The following ATP11C variants were observed in gnomAD, a reference collection of about 807,000 sequenced individuals.
ATP11C encodes the protein ATPase phospholipid transporting 11C (ATP11C blood group).
ATP11C carries 36 observed loss-of-function variants against 97.4 expected under a neutral mutation model. That is an observed-to-expected ratio of 0.37 (90% CI 0.28 to 0.49). The LOEUF is 0.49. Ranked by LOEUF, ATP11C falls within the 20% of genes least tolerant of loss-of-function variation. ATP11C has a pLI of 0.98. For missense variants in ATP11C, 730 were observed against 824.6 expected, an observed-to-expected ratio of 0.89 and a Z score of 1.40; for synonymous variants, 275 against 290.9, an observed-to-expected ratio of 0.95 and a Z score of 0.56.
intron 1 of ATP11C, among the ~76,000 whole-genome samples, chrX:139,925,708 T>C (rs1212969010): frequency 8.9e-6 from 1 of 111,924 alleles, no homozygotes; most frequent in East Asian, 2.8e-4. Context: ...TAATACTTTA[T>C]GACAACATAT....
chrX:139,870,850 A>T (rs2084361559), intron 1 of ATP11C, among the ~76,000 whole-genome samples: 1 of 110,871 alleles, frequency 9.0e-6, no homozygotes, highest in Non-Finnish European at 1.9e-5. Context: ...AGGTCAGGAG[A>T]TCGAGACCAT....
intron 20 of ATP11C, among the ~76,000 whole-genome samples, chrX:139,764,825 T>C (rs185385597): frequency 1.9e-4 from 21 of 111,815 alleles, no homozygotes; most frequent in Non-Finnish European, 3.4e-4. Context: ...ATCCCTCCCC[T>C]CAACTTGGTT....
At chrX:139,899,688 G>T (rs762679611) in intron 1 of ATP11C, among the ~76,000 whole-genome samples, 1 of 111,230 alleles carries the variant, frequency 9.0e-6, no homozygotes, top group South Asian at 3.8e-4. Flanking sequence ...GAAACTACAC[G>T]ATCTTTATAA....
chrX:139,739,143 T>C (rs942295504), intron 27 of ATP11C, among the ~76,000 whole-genome samples: 2 of 110,937 alleles, frequency 1.8e-5, no homozygotes, highest in African/African-American at 6.5e-5. Flanking sequence ...TCTGCAGAAC[T>C]CTACCTCACT....
intron 1 of ATP11C, among the ~76,000 whole-genome samples, chrX:139,854,595 CCGTGAAAGA>C (rs1446111182): frequency 9.0e-6 from 1 of 110,583 alleles, no homozygotes; most frequent in African/African-American, 3.3e-5. Context: ...TCTGTGAAAG[CCGTGAAAGA>C]AAAAAAAAGT....
At chrX:139,768,699 TTTAATCA>T (rs1262257889) in intron 19 of ATP11C, among the ~76,000 whole-genome samples, 1 of 110,704 alleles carries the variant, frequency 9.0e-6, no homozygotes, top group African/African-American at 3.3e-5. Flanking sequence ...TTCCCAGTTA[TTTAATCA>T]AACAATTGTC....
At chrX:139,799,915 G>A in intron 8 of ATP11C, 145 bp downstream of exon 8, 1 of 501,865 alleles carries the variant, frequency 2.0e-6, no homozygotes, top group Non-Finnish European at 3.4e-6. Context: ...GCCTCCCAAA[G>A]TGCTGGGATT....
chrX:139,836,597 A>C (rs749621563), intron 1 of ATP11C, among the ~76,000 whole-genome samples: 1 of 111,825 alleles, frequency 8.9e-6, no homozygotes, highest in African/African-American at 3.3e-5. Flanking sequence ...AAAGTCACAA[A>C]GTCCAGGGAA....
intron 28 of ATP11C, among the ~76,000 whole-genome samples, chrX:139,736,122 G>A (rs1035384045): frequency 2.1e-4 from 23 of 111,208 alleles, no homozygotes; most frequent in Non-Finnish European, 2.3e-4. Flanking sequence ...AGTAAAAAAG[G>A]ACGCAGTCCC....
chrX:139,911,018 A>C (rs1257730242), intron 1 of ATP11C, among the ~76,000 whole-genome samples: 1 of 111,558 alleles, frequency 9.0e-6, no homozygotes, highest in Non-Finnish European at 1.9e-5. Context: ...CAAAATGTTA[A>C]AAGTTTTAGA....
chrX:139,743,209 G>GCTCT (rs1037196834), intron 26 of ATP11C, among the ~76,000 whole-genome samples: 1 of 105,714 alleles, frequency 9.5e-6, no homozygotes, highest in Non-Finnish European at 2.0e-5. Flanking sequence ...TCTCTCTCTC[G>GCTCT]CTCTCTCTCT....
chrX:139,816,401 A>G (rs538783336), intron 4 of ATP11C, among the ~76,000 whole-genome samples: 109 of 112,016 alleles, frequency 9.7e-4, no homozygotes, highest in Middle Eastern at 4.6e-3. Context: ...GTGGCAGTCT[A>G]TCAGCTCTGA....
At chrX:139,820,849 G>A (rs190954349) in intron 2 of ATP11C, among the ~76,000 whole-genome samples, 1 of 110,823 alleles carries the variant, frequency 9.0e-6, no homozygotes, top group Non-Finnish European at 1.9e-5. Flanking sequence ...AGAAAGAAAT[G>A]TTTCTTAACC....
intron 1 of ATP11C, among the ~76,000 whole-genome samples, chrX:139,886,080 G>A (rs1322414329): frequency 9.0e-6 from 1 of 110,631 alleles, no homozygotes; most frequent in African/African-American, 3.3e-5. Context: ...GATGGGAGAG[G>A]AAAAATAATA....
intron 12 of ATP11C, among the ~76,000 whole-genome samples, chrX:139,794,665 T>A (rs1191656290): frequency 8.9e-6 from 1 of 111,882 alleles, no homozygotes; most frequent in Non-Finnish European, 1.9e-5. Context: ...TCTGCAGTAT[T>A]AACATAGTCT....
rs1259855339 is a variant in ATP11C at position 139,918,551 on chromosome X, C to T, written c.27+13465G>A. On this transcript the variant is annotated intron_variant, in intron 1 of 29. Coordinates refer to ENST00000682941, the MANE Select transcript of ATP11C (RefSeq NM_001353812.2). Reference sequence around the variant, plus strand: ...GCAGGAGAATTGCTTGAACCCGGGGCGGGGGTGGGGGTGGGGACAGAGGTT... The same window carrying T: ...GCAGGAGAATTGCTTGAACCCGGGGTGGGGGTGGGGGTGGGGACAGAGGTT... 2.6e-4 allele frequency among the ~76,000 whole-genome samples: 3 copies of T among 11,669 alleles called. No homozygotes were observed. The Admixed American group carries it at 3.6e-3, about 14-fold the overall frequency. The allele number at this position is 11,669 out of a possible 115,157, so 10.1% of individuals were successfully genotyped here. A position where few individuals can be genotyped will look rare whatever the true frequency, so the allele number is the denominator to read the frequency against.
At position 139,788,360 on chromosome X, in the gene ATP11C, AAAT is replaced by A; in HGVS notation, c.1369-20_1369-18del. 1 of 1,185,538 alleles carries A rather than the reference AAAT, an allele frequency of 8.4e-7. No individual in the cohort carries two copies. On this transcript the variant is annotated intron_variant, in intron 13 of 29. Coordinates refer to ENST00000682941, the MANE Select transcript of ATP11C (RefSeq NM_001353812.2). Reference sequence around the variant, plus strand: ...TTCTCGATTCTGTGGAACAGCAACAAAATAATGATTATTATTTTTAATTTGATC... The same window carrying A: ...TTCTCGATTCTGTGGAACAGCAACAAAATGATTATTATTTTTAATTTGATC...
At chrX:139,851,383 CTCTA>C (rs1014896930) in intron 1 of ATP11C, among the ~76,000 whole-genome samples, 2 of 112,285 alleles carry the variant, frequency 1.8e-5, no homozygotes, top group African/African-American at 6.5e-5. Context: ...GCATAGCTAA[CTCTA>C]TCTAGATTTC....
intron 24 of ATP11C, among the ~76,000 whole-genome samples, chrX:139,749,384 C>T (rs896566035): frequency 8.9e-6 from 1 of 112,059 alleles, no homozygotes; most frequent in African/African-American, 3.2e-5. Flanking sequence ...GCAATGCTTA[C>T]AATCTGCTAT....
Sources: gnomAD v4.1 joint callset for allele counts (sites outside exome capture counted in the v4.1 genomes callset) on GRCh38, gnomAD v4.1.1 for gene constraint, MANE v1.5 for transcripts, NCBI Gene and HGNC (gene_info 2026-07-23, HGNC 2026-07-21) for gene names.